Variants in RAB21 observed in about 807,000 individuals in gnomAD.
RAB21 encodes ras-related protein Rab-21.
Under a neutral mutation model 33.1 loss-of-function variants are expected in RAB21, and 13 were observed. The ratio of observed to expected loss-of-function variants is 0.39; its 90% CI spans 0.26 to 0.62. The LOEUF (loss-of-function observed/expected upper bound fraction) is 0.62, where lower values mean the gene tolerates loss of function less well. Ranked by LOEUF, RAB21 falls within the 20% of genes least tolerant of loss-of-function variation. The pLI is 0.48. For missense variants in RAB21, 234 were observed against 279.1 expected (o/e 0.84, Z 1.15); for synonymous variants, 91 against 103.7 (o/e 0.88, Z 0.74).
At chr12:71,769,777 T>C in intron 1 of RAB21, 23 bp from the exon 2 acceptor site, 1 of 1,181,340 alleles carries the variant, frequency 8.5e-7, no homozygotes. Flanking sequence ...GAAACATTGT[T>C]TAATGTTTAT....
chr12:71,781,965 A>C, intron 4 of RAB21, 66 bp from the exon 5 acceptor site: 1 of 1,249,752 alleles, frequency 8.0e-7, no homozygotes, highest in Non-Finnish European at 1.1e-6. Context: ...TTATATTTAG[A>C]ATTGGCTTAA....
rs1481404280 is a variant in RAB21 at position 71,795,541 on chromosome 12, A to G, written c.*9868A>G. On this transcript the variant is annotated 3_prime_UTR_variant, in exon 7 of 7. Coordinates refer to ENST00000261263, the MANE Select transcript of RAB21 (RefSeq NM_014999.4). ...CTCTTTCAGAGTTGGGCAAAAGAAG[A>G]AAAAAAAAGCCTTTATTTGTGATCA... The G allele has an allele frequency of 2.2e-4, 30 of 136,082 alleles. 6 individuals carry two copies. The Admixed American group carries it at 2.3e-3, about 10-fold the overall frequency. The allele number at this position is 136,082 out of a possible 1,614,324, so 8.4% of individuals were successfully genotyped here. A position where few individuals can be genotyped will look rare whatever the true frequency, so the allele number is the denominator to read the frequency against.
Position 71,794,427 on chromosome 12 carries a change from ATTTTTTTTTTTT to A in RAB21, c.*8772_*8783del, listed in dbSNP as rs71068802. 1.8e-4 allele frequency: 5 copies of A among 27,966 alleles called. No individual in the cohort carries two copies. Among genetic ancestry groups the A allele is most frequent in the African/African-American group, 3.8e-4 (3 of 7,900 alleles). The allele number at this position is 27,966 out of a possible 1,614,324, so 1.7% of individuals were successfully genotyped here. Reference sequence around the variant, plus strand: ...ATATTATATATATATATATATATATATTTTTTTTTTTTTTTTTTTTTTTTTTTTTGAGACGGA... The same window carrying A: ...ATATTATATATATATATATATATATATTTTTTTTTTTTTTTTTGAGACGGA... On this transcript the variant is annotated 3_prime_UTR_variant, in exon 7 of 7. Coordinates refer to ENST00000261263, the MANE Select transcript of RAB21 (RefSeq NM_014999.4).
chr12:71,763,150 C>A (rs980595152), intron 1 of RAB21, among the ~76,000 whole-genome samples: 3 of 150,844 alleles, frequency 2.0e-5, no homozygotes, highest in Non-Finnish European at 4.4e-5. Flanking sequence ...CTTACTCATA[C>A]ACTCCCCAAC....
rs1158415113 is a variant in RAB21, at chr12:71,785,956, C to CGG, written c.*283_*284insGG. 3 of 267,728 alleles carry CGG rather than the reference C, an allele frequency of 1.1e-5. No homozygotes were observed. Among genetic ancestry groups the CGG allele is most frequent in the African/African-American group, 7.1e-5 (3 of 42,436 alleles). The allele number at this position is 267,728 out of a possible 1,614,324, so 16.6% of individuals were successfully genotyped here. On this transcript the variant is annotated 3_prime_UTR_variant, in exon 7 of 7. Coordinates refer to ENST00000261263, the MANE Select transcript of RAB21 (RefSeq NM_014999.4). The stretch of plus-strand genomic sequence containing the variant: ...TCGCTCTGTCACCCAGGCTGGAGTG[C>CGG]ACTGGCTTGATCTCGGCTCACTGCA...
chr12:71,774,800 T>G (rs939584949), intron 4 of RAB21, among the ~76,000 whole-genome samples: 1 of 151,916 alleles, frequency 6.6e-6, no homozygotes, highest in Admixed American at 6.6e-5. Context: ...AGAAGTGATT[T>G]TCCAGGAGAT....
At chr12:71,778,689 T>C (rs552494496) in intron 4 of RAB21, among the ~76,000 whole-genome samples, 1 of 152,334 alleles carries the variant, frequency 6.6e-6, no homozygotes, top group Non-Finnish European at 1.5e-5. Context: ...TATTATATGT[T>C]ATAATAAATG....
rs1320614941 is a variant in RAB21, at chr12:71,793,431, T to C, written c.*7758T>C. 6 of 152,218 alleles carry C rather than the reference T, an allele frequency of 3.9e-5. No individual in the cohort carries two copies. Among genetic ancestry groups the C allele is most frequent in the Non-Finnish European group, 8.8e-5 (6 of 68,034 alleles). The allele number at this position is 152,218 out of a possible 1,614,324, so 9.4% of individuals were successfully genotyped here. A position where few individuals can be genotyped will look rare whatever the true frequency, so the allele number is the denominator to read the frequency against. ...TTTCTAAACATCTTTTCAGTGTCTT[T>C]TAAGGATATTTTTGATATTACAATA... On this transcript the variant is annotated 3_prime_UTR_variant, in exon 7 of 7. Coordinates refer to ENST00000261263, the MANE Select transcript of RAB21 (RefSeq NM_014999.4).
chr12:71,774,567 T>G (rs906801710), intron 4 of RAB21, among the ~76,000 whole-genome samples: 1 of 151,996 alleles, frequency 6.6e-6, no homozygotes, highest in Non-Finnish European at 1.5e-5. Flanking sequence ...AAAACCAGCC[T>G]GGCCAACATA....
At chr12:71,772,568 A>G (rs1454763156) in intron 3 of RAB21, among the ~76,000 whole-genome samples, 1 of 152,120 alleles carries the variant, frequency 6.6e-6, no homozygotes, top group African/African-American at 2.4e-5. Context: ...AATGACTAAC[A>G]AGCTTTTTTT....
chr12:71,785,767 C>A lies in RAB21; in HGVS notation c.*94C>A. On this transcript the variant is annotated 3_prime_UTR_variant, in exon 7 of 7. Transcript: ENST00000261263. The stretch of plus-strand genomic sequence containing the variant: ...CATATTCCAAGTCACATTATTTTAC[C>A]AATGGAATTATAGAATTAACAGTAT... 2.1e-6 allele frequency: 3 copies of A among 1,414,440 alleles called. No individual in the cohort carries two copies. The highest frequency in any genetic ancestry group is 2.9e-6 in the Non-Finnish European group (3 of 1,018,792). 87.6% of individuals were successfully genotyped at this position (1,414,440 alleles called of 1,614,324 possible).
At chr12:71,768,188 C>A (rs2137645627) in intron 1 of RAB21, among the ~76,000 whole-genome samples, 1 of 152,264 alleles carries the variant, frequency 6.6e-6, no homozygotes, top group East Asian at 1.9e-4. Flanking sequence ...TTGAACCCAG[C>A]TCTGCCATTT....
chr12:71,775,782 G>A (rs1022212399), intron 4 of RAB21, among the ~76,000 whole-genome samples: 2 of 152,008 alleles, frequency 1.3e-5, no homozygotes, highest in African/African-American at 2.4e-5. Flanking sequence ...TGACCCACCC[G>A]CCTCAGCCTC....
chr12:71,788,456 T>C lies in RAB21; in HGVS notation c.*2783T>C, dbSNP rs2137662979. 1 of 152,296 alleles carries C rather than the reference T, an allele frequency of 6.6e-6. No individual in the cohort carries two copies. Among genetic ancestry groups the C allele is most frequent in the African/African-American group, 2.4e-5 (1 of 41,572 alleles). The allele number at this position is 152,296 out of a possible 1,614,324, so 9.4% of individuals were successfully genotyped here. A position where few individuals can be genotyped will look rare whatever the true frequency, so the allele number is the denominator to read the frequency against. On this transcript the variant is annotated 3_prime_UTR_variant, in exon 7 of 7. Coordinates refer to ENST00000261263, the MANE Select transcript of RAB21 (RefSeq NM_014999.4). ...TGTCACTTTGAAACCCAAAAGGTCT[T>C]TGGGTAGGAATAGAGTAATGAAAGA... is the stretch of plus-strand genomic sequence containing the variant.
rs2137646967 is a variant in RAB21, at chr12:71,769,820, G to T, written c.180G>T (p.Lys60Asn). 1.4e-6 allele frequency: 2 copies of T among 1,393,714 alleles called. No homozygotes were observed. Among genetic ancestry groups the T allele is most frequent in the East Asian group, 5.3e-5 (2 of 37,648 alleles). 86.3% of individuals were successfully genotyped at this position (1,393,714 alleles called of 1,614,324 possible). A position where few individuals can be genotyped will look rare whatever the true frequency, so the allele number is the denominator to read the frequency against. The change falls in exon 2 of 7, where the codon AAG becomes AAT. Residue 60 changes from lysine (K) to asparagine (N), a missense_variant. Transcript: ENST00000261263. ...TTTAGGCATCATTCTTAACAAAGAA[G>T]TTAAATATTGGTGGGAAAAGAGTAA... The part of the protein sequence containing the change: ...TTLQASFLTK[K>N]LNIGGKRVNL...
In RAB21 at chr12:71,785,825, T is replaced by TA. The variant is rs1294402990; in HGVS notation, c.*154dup. On this transcript the variant is annotated 3_prime_UTR_variant, in exon 7 of 7. Transcript: ENST00000261263. Reference sequence around the variant, plus strand: ...TACGTTTATAACACTGCAGAGACCTTAAGTGCTAAACTTAGTGGAGTTTGT... The same window carrying TA: ...TACGTTTATAACACTGCAGAGACCTTAAAGTGCTAAACTTAGTGGAGTTTGT... 3 of 802,282 alleles carry TA rather than the reference T, an allele frequency of 3.7e-6. No homozygotes were observed. The highest frequency in any genetic ancestry group is 5.7e-6 in the Non-Finnish European group (3 of 526,808). 49.7% of individuals were successfully genotyped at this position (802,282 alleles called of 1,614,324 possible).
rs1363405367 is a variant in RAB21 at position 71,796,125 on chromosome 12, T to C, written c.*10452T>C. On this transcript the variant is annotated 3_prime_UTR_variant, in exon 7 of 7. Coordinates refer to ENST00000261263, the MANE Select transcript of RAB21 (RefSeq NM_014999.4). ...AATGGACAGGAAAAGAGGCAAAGCA[T>C]AGAATAGCCTCTGTGGTATACACAC... The C allele has an allele frequency of 7.3e-6, 1 of 137,442 alleles. No homozygotes were observed. The highest frequency in any genetic ancestry group is 1.5e-5 in the Non-Finnish European group (1 of 66,016). The allele number at this position is 137,442 out of a possible 1,614,324, so 8.5% of individuals were successfully genotyped here. A position where few individuals can be genotyped will look rare whatever the true frequency, so the allele number is the denominator to read the frequency against.
At chr12:71,770,836 C>G (rs1260967216) in intron 3 of RAB21, 137 bp downstream of exon 3, 2 of 583,322 alleles carry the variant, frequency 3.4e-6, no homozygotes, top group Non-Finnish European at 5.9e-6. Flanking sequence ...CTGGTGACCA[C>G]TTACATTTTA....
rs1405765837 is a variant in RAB21 at position 71,794,770 on chromosome 12, T to C, written c.*9097T>C. ...TAAATTTATATATATTTCATATATA[T>C]ATTATATATATATAAAATTAACCGG... On this transcript the variant is annotated 3_prime_UTR_variant, in exon 7 of 7. Coordinates refer to ENST00000261263, the MANE Select transcript of RAB21 (RefSeq NM_014999.4). 6.8e-6 allele frequency: 1 copy of C among 146,234 alleles called. No homozygotes were observed. The highest frequency in any genetic ancestry group is 2.5e-5 in the African/African-American group (1 of 40,186). 9.1% of individuals were successfully genotyped at this position (146,234 alleles called of 1,614,324 possible). A position where few individuals can be genotyped will look rare whatever the true frequency, so the allele number is the denominator to read the frequency against.
Sources: gnomAD v4.1 joint callset for allele counts (sites outside exome capture counted in the v4.1 genomes callset) on GRCh38, gnomAD v4.1.1 for gene constraint, MANE v1.5 for transcripts, NCBI Gene and HGNC (gene_info 2026-07-23, HGNC 2026-07-21) for gene names.